SMARCB1: variants seen among roughly 807,000 people sequenced by gnomAD.
The protein encoded by SMARCB1 is SWI/SNF-related matrix-associated actin-dependent regulator of chromatin subfamily B member 1.
SMARCB1 carries 5 observed loss-of-function variants against 49.0 expected under a neutral mutation model. The ratio of observed to expected loss-of-function variants is 0.10; its 90% CI spans 0.05 to 0.21. SMARCB1 has a LOEUF of 0.21. Among genes scored for constraint, SMARCB1 ranks in the 10% least tolerant of loss-of-function variants. The probability of loss-of-function intolerance (pLI) is 1.00; values close to 1 mark genes in which losing one functional copy is unlikely to be tolerated. For missense variants in SMARCB1, 226 were observed against 509.2 expected (o/e 0.44, Z 5.35); for synonymous variants, 201 against 200.1 (o/e 1.00, Z -0.04).
At chr22:23,826,385 A>G (rs2030382319) in intron 7 of SMARCB1, 1 of 150,884 alleles carries the variant, frequency 6.6e-6, no homozygotes, top group Non-Finnish European at 1.5e-5. Flanking sequence ...AGATCACACC[A>G]CTGCACTCCA....
intron 4 of SMARCB1, chr22:23,802,015 T>G (rs34332579): frequency 0.018 from 2,863 of 156,926 alleles, 63 homozygotes; most frequent in South Asian, 0.11. Context: ...AAGTCCAGTC[T>G]CTCCAGGTTC....
At chr22:23,821,226 C>G (rs2030069962) in intron 6 of SMARCB1, among the ~76,000 whole-genome samples, 1 of 152,204 alleles carries the variant, frequency 6.6e-6, no homozygotes, top group Non-Finnish European at 1.5e-5. Flanking sequence ...TGGGTCAGAC[C>G]AGATGTCACA....
intron 1 of SMARCB1, 23 bp downstream of exon 1, chr22:23,787,285 C>T (rs752964926): frequency 6.1e-6 from 9 of 1,465,774 alleles, no homozygotes; most frequent in African/African-American, 4.3e-5. Context: ...GCGTTCTCGC[C>T]CTCCCCGGGC....
Position 23,787,253 on chromosome 22 carries a change from C to A in SMARCB1, c.84C>A (p.Ile28=). Residue 28 remains isoleucine (I), a synonymous_variant, in exon 1 of 9, where the codon ATC becomes ATA. Coordinates refer to ENST00000644036, the MANE Select transcript of SMARCB1 (RefSeq NM_003073.5). ...QLEDDGEFYM[I]GSEVGNYLRM... is the part of the protein sequence containing the mutation. ...AGGACGACGGCGAGTTCTACATGAT[C>A]GGCTCCGAGGTAGCCCGGGGCGCGT... The A allele has an allele frequency of 6.3e-7, 1 of 1,599,220 alleles. No homozygotes were observed. Among genetic ancestry groups the A allele is most frequent in the South Asian group, 1.1e-5 (1 of 90,212 alleles).
At chr22:23,797,249 C>T (rs1173536238) in intron 3 of SMARCB1, among the ~76,000 whole-genome samples, 15 of 150,260 alleles carry the variant, frequency 1.0e-4, no homozygotes, top group Middle Eastern at 3.5e-3. Context: ...CCGCCCGCCT[C>T]GGCCTCCCAA....
In SMARCB1 at chr22:23,787,013, G is replaced by A. The variant is rs886057281; in HGVS notation, c.-157G>A. 14 of 505,430 alleles carry A rather than the reference G, an allele frequency of 2.8e-5. No homozygotes were observed. Among genetic ancestry groups the A allele is most frequent in the Non-Finnish European group, 4.8e-5 (14 of 288,844 alleles). 31.3% of individuals were successfully genotyped at this position (505,430 alleles called of 1,614,324 possible). Reference sequence around the variant, plus strand: ...CGGCCTGGTCGTCGTCTGCGGCGGCGGCGGCGGCTGAGGAGCCCGGCTGAG... The same window carrying A: ...CGGCCTGGTCGTCGTCTGCGGCGGCAGCGGCGGCTGAGGAGCCCGGCTGAG... On this transcript the variant is annotated 5_prime_UTR_variant, in exon 1 of 9. Coordinates refer to ENST00000644036, the MANE Select transcript of SMARCB1 (RefSeq NM_003073.5).
Position 23,833,477 on chromosome 22 carries a change from G to T in SMARCB1, c.987-95G>T, listed in dbSNP as rs557841692. 1.4e-5 allele frequency: 22 copies of T among 1,550,542 alleles called. No individual in the cohort carries two copies. The African/African-American group carries it at 2.2e-4, about 15-fold the overall frequency. On this transcript the variant is annotated intron_variant, in intron 7 of 8. Coordinates refer to ENST00000644036, the MANE Select transcript of SMARCB1 (RefSeq NM_003073.5). ...CCACTGGGTGCCAGCAGTGCTGCTG[G>T]GAGGAGCAGGGCACAGACAGGGGCC...
At chr22:23,827,179 C>T (rs541663365) in intron 7 of SMARCB1, among the ~76,000 whole-genome samples, 1 of 152,172 alleles carries the variant, frequency 6.6e-6, no homozygotes, top group Non-Finnish European at 1.5e-5. Flanking sequence ...CTTGGGCTCA[C>T]AGGTGCAGGT....
chr22:23,819,918 CT>C lies in SMARCB1; in HGVS notation c.795+2983del, dbSNP rs2029990004. Among the ~76,000 whole-genome samples, 6 of 152,230 alleles carry C rather than the reference CT, an allele frequency of 3.9e-5. No homozygotes were observed. In the South Asian group the frequency reaches 1.2e-3, roughly 32 times the overall value. On this transcript the variant is annotated intron_variant, in intron 6 of 8. Transcript: ENST00000644036. ...CTTGGCTCACTGCAACTTCCACCTC[CT>C]GGATTCAAGCGATTTTCCTGCTTCA...
intron 5 of SMARCB1, chr22:23,816,467 A>G (rs1166217906): frequency 3.6e-6 from 2 of 555,250 alleles, no homozygotes; most frequent in African/African-American, 3.8e-5. Context: ...CGCCTGGATC[A>G]TCTCATTAGT....
chr22:23,820,236 G>C (rs2030010434), intron 6 of SMARCB1, among the ~76,000 whole-genome samples: 1 of 151,690 alleles, frequency 6.6e-6, no homozygotes, highest in African/African-American at 2.4e-5. Context: ...AGGGCAATGA[G>C]TTAAAGAATA....
chr22:23,797,194 T>C (rs994901465), intron 3 of SMARCB1, among the ~76,000 whole-genome samples: 24 of 148,888 alleles, frequency 1.6e-4, no homozygotes, highest in African/African-American at 5.7e-4. Context: ...GAGACGGGGT[T>C]TCACCGTGTT....
At position 23,836,333 on chromosome 22, in the gene SMARCB1, T is replaced by C; in HGVS notation, c.*2153T>C. 1 of 985,504 alleles carries C rather than the reference T, an allele frequency of 1.0e-6. No homozygotes were observed. 61.0% of individuals were successfully genotyped at this position (985,504 alleles called of 1,614,324 possible). ...GTGGCTGATGAGAGACAGGAGAGGC[T>C]AGATTGGCATCAGCCTGAAGGCACC... On this transcript the variant is annotated 3_prime_UTR_variant, in exon 9 of 9. Coordinates refer to ENST00000644036, the MANE Select transcript of SMARCB1 (RefSeq NM_003073.5).
In SMARCB1 at chr22:23,837,648, G is replaced by A. The variant is rs1271600206; in HGVS notation, c.*3468G>A. 1.9e-6 allele frequency: 3 copies of A among 1,610,144 alleles called. No homozygotes were observed. Among genetic ancestry groups the A allele is most frequent in the Non-Finnish European group, 2.5e-6 (3 of 1,177,512 alleles). On this transcript the variant is annotated 3_prime_UTR_variant, in exon 9 of 9. Coordinates refer to ENST00000644036, the MANE Select transcript of SMARCB1 (RefSeq NM_003073.5). ...CAGCCTGGGGCGGACTAGATGTACC[G>A]GGAGGCTCACCCAGCAGGTCCACGA...
rs549213615 is a variant in SMARCB1, at chr22:23,808,055, A to C, written c.628+4633A>C. Among the ~76,000 whole-genome samples the C allele has an allele frequency of 7.3e-5, 11 of 149,714 alleles. No individual in the cohort carries two copies. The South Asian group carries it at 2.3e-3, about 32-fold the overall frequency. On this transcript the variant is annotated intron_variant, in intron 5 of 8. Coordinates refer to ENST00000644036, the MANE Select transcript of SMARCB1 (RefSeq NM_003073.5). ...ACTGCAAGCTCCGCCTCCCGGGTTC[A>C]TGCCATTCTCCTGCCTCAGCCTCCC...
Position 23,834,758 on chromosome 22 carries a change from TGTGAG to T in SMARCB1, c.*580_*584del, listed in dbSNP as rs1170564561. On this transcript the variant is annotated 3_prime_UTR_variant, in exon 9 of 9. Transcript: ENST00000644036. ...GACCCAGAGAGCTGAGAAGAGTAGC[TGTGAG>T]GCTCAGGGCAAGAGGCTCTCTGCCT... is the stretch of plus-strand genomic sequence containing the variant. 6 of 1,434,258 alleles carry T rather than the reference TGTGAG, an allele frequency of 4.2e-6. No individual in the cohort carries two copies. Among genetic ancestry groups the T allele is most frequent in the South Asian group, 2.6e-5 (2 of 77,478 alleles). 88.8% of individuals were successfully genotyped at this position (1,434,258 alleles called of 1,614,324 possible).
chr22:23,823,536 G>C (rs554728725), intron 6 of SMARCB1: 1 of 152,430 alleles, frequency 6.6e-6, no homozygotes, highest in Non-Finnish European at 1.5e-5. Context: ...CTCCCTCTGC[G>C]TGAGGATTCC....
chr22:23,812,543 A>T (rs964981533), intron 5 of SMARCB1, among the ~76,000 whole-genome samples: 2 of 152,180 alleles, frequency 1.3e-5, no homozygotes, highest in Non-Finnish European at 2.9e-5. Context: ...ATACAGACCA[A>T]TATCCTTTAT....
At chr22:23,789,943 A>G (rs918944178) in intron 1 of SMARCB1, among the ~76,000 whole-genome samples, 1 of 152,160 alleles carries the variant, frequency 6.6e-6, no homozygotes, top group Non-Finnish European at 1.5e-5. Flanking sequence ...ATCTGCATTT[A>G]CTAAGAGTGT....
Sources: allele counts gnomAD v4.1 joint callset (sites outside exome capture counted in the v4.1 genomes callset), GRCh38; gene constraint gnomAD v4.1.1; transcripts MANE v1.5; gene names NCBI Gene and HGNC (gene_info 2026-07-23, HGNC 2026-07-21).